Variants in SLC9A6 observed in about 807,000 individuals in gnomAD.
SLC9A6 encodes solute carrier family 9 member A6.
Under a neutral mutation model 45.3 loss-of-function variants are expected in SLC9A6, and 6 were observed. That is an observed-to-expected ratio of 0.13 (90% CI 0.07 to 0.26). The LOEUF is 0.26. Ranked by LOEUF, SLC9A6 falls within the 10% of genes least tolerant of loss-of-function variation. The pLI is 1.00. For missense variants in SLC9A6, 278 were observed against 503.7 expected, an observed-to-expected ratio of 0.55 and a Z score of 4.29; for synonymous variants, 191 against 187.7, an observed-to-expected ratio of 1.02 and a Z score of -0.14.
At chrX:136,004,190 G>A (rs1346722206) in intron 7 of SLC9A6, among the ~76,000 whole-genome samples, 1 of 102,564 alleles carries the variant, frequency 9.8e-6, no homozygotes, top group Non-Finnish European at 2.0e-5. Context: ...CCAGGTTCAA[G>A]CAATTCTCCT....
intron 12 of SLC9A6, 89 bp downstream of exon 12, chrX:136,022,786 G>T: frequency 2.1e-6 from 1 of 481,160 alleles, no homozygotes; most frequent in Non-Finnish European, 3.8e-6. Flanking sequence ...TGTTATGCTG[G>T]TCATATAATA....
Position 135,998,714 on chromosome X carries a change from C to T in SLC9A6, c.525-142C>T, listed in dbSNP as rs2089540492. The stretch of plus-strand genomic sequence containing the variant: ...AAGTTGTTTGAATTTTCCTTAAGGC[C>T]AAAGTATTACCATATTTCAATGACA... On this transcript the variant is annotated intron_variant, in intron 5 of 17. Coordinates refer to ENST00000630721, the MANE Select transcript of SLC9A6 (RefSeq NM_001379110.1). 1.9e-5 allele frequency: 12 copies of T among 633,337 alleles called. No homozygotes were observed. The South Asian group carries it at 3.0e-4, about 16-fold the overall frequency. 52.2% of individuals were successfully genotyped at this position (633,337 alleles called of 1,213,427 possible). A position where few individuals can be genotyped will look rare whatever the true frequency, so the allele number is the denominator to read the frequency against.
intron 2 of SLC9A6, among the ~76,000 whole-genome samples, chrX:135,993,588 G>T (rs1007618259): frequency 1.3e-4 from 15 of 111,211 alleles, no homozygotes; most frequent in Admixed American, 1.2e-3. Context: ...GTTCGACCTT[G>T]GTCAGGAGCC....
In SLC9A6 at chrX:136,013,045, G is replaced by A. The variant is rs1327086146; in HGVS notation, c.982G>A (p.Gly328Ser). ...WSTFLLAEAW[G>S]FTGVVAVLFC... ...TACCTTCCTCTTGGCTGAAGCATGG[G>A]GCTTCACAGGTAGGTGACTTGCTCC... Residue 328 changes from glycine (G) to serine (S), a missense_variant, in exon 9 of 18, where the codon GGC becomes AGC. Around this residue, in one of 5 missense-constraint regions of SLC9A6, gnomAD observed 13 missense variants for 58.8 expected, o/e 0.22. Coordinates refer to ENST00000630721, the MANE Select transcript of SLC9A6 (RefSeq NM_001379110.1). 1 of 1,178,161 alleles carries A rather than the reference G, an allele frequency of 8.5e-7. No homozygotes were observed. The highest frequency in any genetic ancestry group is 2.2e-5 in the Admixed American group (1 of 45,969).
In SLC9A6 at chrX:136,009,889, A is replaced by G. The variant is rs781833297; in HGVS notation, c.744-553A>G. Among the ~76,000 whole-genome samples, 11 of 112,028 alleles carry G rather than the reference A, an allele frequency of 9.8e-5. No individual in the cohort carries two copies. In the South Asian group the frequency reaches 3.4e-3, roughly 34 times the overall value. ...GGAGGTCTTTCGAGTGCTTTTTCCT[A>G]TAATAGTCCATTTCAGTGAATGAAT... On this transcript the variant is annotated intron_variant, in intron 7 of 17. Coordinates refer to ENST00000630721, the MANE Select transcript of SLC9A6 (RefSeq NM_001379110.1).
chrX:135,973,920 T>C (rs1556612948), upstream of SLC9A6: 2 of 1,126,370 alleles, frequency 1.8e-6, no homozygotes, highest in Non-Finnish European at 2.3e-6. Context: ...GAGGCCTCTC[T>C]AGGAGGGCCG....
At chrX:135,987,554 C>G (rs2089358756) in intron 2 of SLC9A6, among the ~76,000 whole-genome samples, 1 of 109,540 alleles carries the variant, frequency 9.1e-6, no homozygotes, top group African/African-American at 3.3e-5. Flanking sequence ...GACCAGAGGT[C>G]AGCAATTTTT....
intron 11 of SLC9A6, 63 bp downstream of exon 11, chrX:136,016,821 G>C: frequency 3.2e-6 from 2 of 633,824 alleles, no homozygotes; most frequent in South Asian, 5.1e-5. Flanking sequence ...TGTGGGTTTT[G>C]AGTATGTGGT....
At chrX:136,021,309 C>T (rs782416978) in intron 11 of SLC9A6, among the ~76,000 whole-genome samples, 29 of 111,465 alleles carry the variant, frequency 2.6e-4, no homozygotes, top group Non-Finnish European at 4.5e-4. Context: ...CTGTAAACTC[C>T]CATTCTAACA....
chrX:136,035,740 T>TTTTGTTTG (rs782184098), intron 16 of SLC9A6, among the ~76,000 whole-genome samples: 19 of 109,918 alleles, frequency 1.7e-4, no homozygotes, highest in Non-Finnish European at 3.4e-4. Flanking sequence ...TTAACGTGTT[T>TTTTGTTTG]TTTGTTTGTT....
At chrX:135,990,188 G>A (rs1221349697) in intron 2 of SLC9A6, among the ~76,000 whole-genome samples, 1 of 111,003 alleles carries the variant, frequency 9.0e-6, no homozygotes, top group Admixed American at 9.6e-5. Context: ...GGGTTTCACT[G>A]TGTTAGCCAG....
chrX:136,042,366 C>T (rs2071527855), intron 17 of SLC9A6, among the ~76,000 whole-genome samples: 3 of 110,549 alleles, frequency 2.7e-5, no homozygotes, highest in Non-Finnish European at 3.8e-5. Flanking sequence ...TTAGTAGAGA[C>T]GAGGTTTCGC....
chrX:136,037,758 G>A (rs2071435822), intron 16 of SLC9A6, among the ~76,000 whole-genome samples: 1 of 111,416 alleles, frequency 9.0e-6, no homozygotes, highest in Admixed American at 9.5e-5. Flanking sequence ...TTTTGGTAGA[G>A]ATGGTGTTTC....
chrX:135,994,381 A>G (rs1490036004), intron 2 of SLC9A6, among the ~76,000 whole-genome samples: 2 of 111,598 alleles, frequency 1.8e-5, no homozygotes, highest in African/African-American at 6.5e-5. Flanking sequence ...TGCTAAGATT[A>G]CAGGCATGAG....
chrX:136,024,679 C>T (rs954905888), intron 13 of SLC9A6, among the ~76,000 whole-genome samples, 196 bp downstream of exon 13: 3 of 111,670 alleles, frequency 2.7e-5, no homozygotes, highest in African/African-American at 9.8e-5. Context: ...TGAGGGATAT[C>T]TTTCCAGATC....
chrX:135,992,622 A>G (rs1556615904), intron 2 of SLC9A6, among the ~76,000 whole-genome samples: 1 of 111,790 alleles, frequency 8.9e-6, no homozygotes. Flanking sequence ...ATGTACTACT[A>G]TTCCCCTACG....
intron 16 of SLC9A6, among the ~76,000 whole-genome samples, chrX:136,036,303 A>G (rs1271364502): frequency 9.0e-6 from 1 of 111,319 alleles, no homozygotes; most frequent in Admixed American, 9.6e-5. Flanking sequence ...TTTTTTGACC[A>G]TTTAGATATC....
intron 11 of SLC9A6, among the ~76,000 whole-genome samples, chrX:136,021,192 G>T (rs1261836996): frequency 9.0e-6 from 1 of 110,674 alleles, no homozygotes; most frequent in Non-Finnish European, 1.9e-5. Flanking sequence ...ACATATTTCT[G>T]CATATAACCA....
chrX:136,047,132 TCA>T lies in SLC9A6; in HGVS notation c.*2411_*2412del, dbSNP rs1471215992. 8.9e-6 allele frequency: 1 copy of T among 112,660 alleles called. No homozygotes were observed. Among genetic ancestry groups the T allele is most frequent in the African/African-American group, 3.2e-5 (1 of 30,872 alleles). 9.3% of individuals were successfully genotyped at this position (112,660 alleles called of 1,213,427 possible). On this transcript the variant is annotated 3_prime_UTR_variant, in exon 18 of 18. Transcript: ENST00000630721. The stretch of plus-strand genomic sequence containing the variant: ...AAGTTATAGCCTTGCAAATAACCAC[TCA>T]CAGTATTTGAGTCACAGTTTATTTT...
Sources: gnomAD v4.1 joint callset for allele counts (sites outside exome capture counted in the v4.1 genomes callset) on GRCh38, gnomAD v4.1.1 for gene constraint, gnomAD v4.1.1 regional missense constraint, MANE v1.5 for transcripts, NCBI Gene and HGNC (gene_info 2026-07-23, HGNC 2026-07-21) for gene names.